EGFLAM: variants seen among roughly 807,000 people sequenced by gnomAD.
EGFLAM encodes pikachurin.
In EGFLAM, 79 loss-of-function variants were observed where a neutral mutation model predicts 113.1. The ratio of observed to expected loss-of-function variants is 0.70; its 90% CI spans 0.58 to 0.84. The LOEUF (loss-of-function observed/expected upper bound fraction) is 0.84, where lower values mean the gene tolerates loss of function less well. Ranked by LOEUF, EGFLAM falls within the 40% of genes least tolerant of loss-of-function variation. The probability of loss-of-function intolerance (pLI) is 0.00; values close to 1 mark genes in which losing one functional copy is unlikely to be tolerated. For missense variants in EGFLAM, 1,265 were observed against 1,291.6 expected, an observed-to-expected ratio of 0.98 and a Z score of 0.32; for synonymous variants, 504 against 487.6, an observed-to-expected ratio of 1.03 and a Z score of -0.44.
In EGFLAM at chr5:38,355,822, A is replaced by G. The variant is rs1739748627; in HGVS notation, c.545+3491A>G. Reference sequence around the variant, plus strand: ...GTTGCCCAGGCTGGAGTGCAACAGCATGATCTCAGCTCACTGCAACCTCTG... The same window carrying G: ...GTTGCCCAGGCTGGAGTGCAACAGCGTGATCTCAGCTCACTGCAACCTCTG... On this transcript the variant is annotated intron_variant, in intron 5 of 21. Coordinates refer to ENST00000322350, the MANE Select transcript of EGFLAM (RefSeq NM_152403.4). 2.6e-5 allele frequency among the ~76,000 whole-genome samples: 4 copies of G among 152,206 alleles called. No homozygotes were observed. The South Asian group carries it at 8.3e-4, about 31-fold the overall frequency.
chr5:38,356,586 T>C (rs1171472461), intron 5 of EGFLAM, among the ~76,000 whole-genome samples: 1 of 152,202 alleles, frequency 6.6e-6, no homozygotes, highest in Admixed American at 6.5e-5. Flanking sequence ...CCCCATGTCC[T>C]TTCATGTTTG....
At position 38,438,348 on chromosome 5, in the gene EGFLAM, AC is replaced by A. The variant is rs764819564; in HGVS notation, c.2361del (p.Cys788ValfsTer2). On this transcript the variant is annotated frameshift_variant, in exon 17 of 22. Coordinates refer to ENST00000322350, the MANE Select transcript of EGFLAM (RefSeq NM_152403.4). LOFTEE classifies it high-confidence loss of function. ...TSGVNVENAAHPCVRAPCAHG... is the reference protein window; with the variant it reads ...TSGVNVENAAXPCVRAPCAHG... ...GGAGTGAATGTGGAGAATGCGGCCC[AC>A]CCCTGTGTGAGAGCCCCTTGTGCCC... is the stretch of plus-strand genomic sequence containing the variant. 3 of 1,613,988 alleles carry A rather than the reference AC, an allele frequency of 1.9e-6. No homozygotes were observed. The Admixed American group carries it at 5.0e-5, about 27-fold the overall frequency.
chr5:38,313,487 T>C (rs1488867906), intron 1 of EGFLAM, among the ~76,000 whole-genome samples: 5 of 152,228 alleles, frequency 3.3e-5, no homozygotes, highest in Admixed American at 2.0e-4. Context: ...TAAAATATTT[T>C]TTCCATATCT....
At chr5:38,266,167 C>G (rs906182049) in intron 1 of EGFLAM, among the ~76,000 whole-genome samples, 6 of 152,188 alleles carry the variant, frequency 3.9e-5, no homozygotes, top group African/African-American at 1.2e-4. Flanking sequence ...TCCCTCACCC[C>G]CAATCCCAAG....
chr5:38,287,273 G>C (rs2111777175), intron 1 of EGFLAM, among the ~76,000 whole-genome samples: 2 of 152,246 alleles, frequency 1.3e-5, no homozygotes, highest in East Asian at 3.9e-4. Flanking sequence ...TTACCTTTTG[G>C]GGTTTTATGG....
intron 2 of EGFLAM, among the ~76,000 whole-genome samples, chr5:38,338,196 C>T (rs1438527691): frequency 6.6e-6 from 1 of 152,104 alleles, no homozygotes; most frequent in Non-Finnish European, 1.5e-5. Context: ...GAGAGCTGGC[C>T]ACACGGGGTC....
chr5:38,323,098 C>T (rs1021525857), intron 1 of EGFLAM, among the ~76,000 whole-genome samples: 2 of 152,150 alleles, frequency 1.3e-5, no homozygotes, highest in African/African-American at 4.8e-5. Flanking sequence ...TTTAGTTAGT[C>T]TGGGCATTCT....
intron 1 of EGFLAM, among the ~76,000 whole-genome samples, chr5:38,271,461 G>A (rs1200500716): frequency 6.6e-6 from 1 of 152,122 alleles, no homozygotes; most frequent in African/African-American, 2.4e-5. Context: ...CTGGGCCTCT[G>A]AAATCTGTCA....
chr5:38,327,369 T>C (rs1738918566), intron 1 of EGFLAM, among the ~76,000 whole-genome samples: 2 of 152,182 alleles, frequency 1.3e-5, no homozygotes, highest in Non-Finnish European at 1.5e-5. Context: ...AAAGTGAACT[T>C]TTAAAATTGG....
chr5:38,461,173 C>G (rs1191255023), intron 20 of EGFLAM: 1 of 152,192 alleles, frequency 6.6e-6, no homozygotes, highest in Non-Finnish European at 1.5e-5. Flanking sequence ...ATGGGCATAG[C>G]TATTCCCATC....
At chr5:38,450,699 C>A (rs1024146996) in intron 18 of EGFLAM, among the ~76,000 whole-genome samples, 1 of 152,232 alleles carries the variant, frequency 6.6e-6, no homozygotes, top group Non-Finnish European at 1.5e-5. Flanking sequence ...TATTCCCAGC[C>A]GTGGCTATAG....
intron 1 of EGFLAM, among the ~76,000 whole-genome samples, chr5:38,303,458 T>C (rs2111833868): frequency 6.6e-6 from 1 of 152,248 alleles, no homozygotes; most frequent in Non-Finnish European, 1.5e-5. Context: ...GTCTATAAAA[T>C]GCTGTGTAGG....
intron 6 of EGFLAM, among the ~76,000 whole-genome samples, chr5:38,371,946 C>A (rs1740233483): frequency 6.6e-6 from 1 of 152,162 alleles, no homozygotes; most frequent in Non-Finnish European, 1.5e-5. Context: ...CATCCACCCT[C>A]CCCATGGAAC....
chr5:38,419,878 T>C (rs918956891), intron 12 of EGFLAM, among the ~76,000 whole-genome samples: 3 of 151,970 alleles, frequency 2.0e-5, no homozygotes, highest in African/African-American at 7.3e-5. Flanking sequence ...AATACAAAAA[T>C]TAGCCGGGCT....
At chr5:38,333,323 G>T (rs1051479349) in intron 1 of EGFLAM, among the ~76,000 whole-genome samples, 7 of 152,156 alleles carry the variant, frequency 4.6e-5, no homozygotes, top group African/African-American at 1.7e-4. Flanking sequence ...ATCCAGTAAT[G>T]GGATTGCTGG....
chr5:38,384,448 T>C (rs1740602936), intron 6 of EGFLAM, among the ~76,000 whole-genome samples: 1 of 152,172 alleles, frequency 6.6e-6, no homozygotes, highest in South Asian at 2.1e-4. Flanking sequence ...TTGAGAGCAG[T>C]GTGAGTGTTG....
intron 15 of EGFLAM, among the ~76,000 whole-genome samples, 180 bp downstream of exon 15, chr5:38,431,468 G>A (rs982339340): frequency 5.3e-5 from 8 of 152,202 alleles, no homozygotes; most frequent in African/African-American, 1.2e-4. Context: ...AGCTACAAAT[G>A]GGGATAATAA....
At chr5:38,414,872 A>G (rs1741591628) in intron 11 of EGFLAM, among the ~76,000 whole-genome samples, 1 of 152,122 alleles carries the variant, frequency 6.6e-6, no homozygotes, top group South Asian at 2.1e-4. Flanking sequence ...TTTTAGCTTC[A>G]CCTAATCATA....
At position 38,379,790 on chromosome 5, in the gene EGFLAM, C is replaced by G. The variant is rs1740462124; in HGVS notation, c.712+9328C>G. 2.7e-5 allele frequency among the ~76,000 whole-genome samples: 4 copies of G among 150,156 alleles called. No homozygotes were observed. The South Asian group carries it at 8.4e-4, about 32-fold the overall frequency. The stretch of plus-strand genomic sequence containing the variant: ...CTCTGATAACAATAAAATTTCATGT[C>G]TCTTACCACTTAAGCACATTCTAGA... On this transcript the variant is annotated intron_variant, in intron 6 of 21. Transcript: ENST00000322350.
Sources: allele counts gnomAD v4.1 joint callset (sites outside exome capture counted in the v4.1 genomes callset), GRCh38; gene constraint gnomAD v4.1.1; transcripts MANE v1.5; gene names NCBI Gene and HGNC (gene_info 2026-07-23, HGNC 2026-07-21).